PCNT: variants seen among roughly 807,000 people sequenced by gnomAD.
The protein encoded by PCNT is kendrin.
Under a neutral mutation model 380.4 loss-of-function variants are expected in PCNT, and 319 were observed. The ratio of observed to expected loss-of-function variants is 0.84; its 90% CI spans 0.77 to 0.92. The LOEUF is 0.92. Among genes scored for constraint, PCNT ranks in the 40% least tolerant of loss-of-function variants. The pLI, the probability that PCNT is intolerant of heterozygous loss-of-function variation, is 0.00. For synonymous variants in PCNT, 1,845 were observed against 1,735.2 expected, an observed-to-expected ratio of 1.06 and a Z score of -1.57; for missense variants, 4,400 against 4,255.3, an observed-to-expected ratio of 1.03 and a Z score of -0.95.
rs190912100 is a variant in PCNT at position 46,362,747 on chromosome 21, C to G, written c.2155-733C>G. Among the ~76,000 whole-genome samples the G allele has an allele frequency of 1.1e-3, 174 of 152,056 alleles. 2 individuals carry two copies. The highest frequency in any genetic ancestry group is 4.0e-3 in the African/African-American group (164 of 41,464). Reference sequence around the variant, plus strand: ...TTGCTTGAGCTCAGGAGTTCAAGATCAGCCTGGGCAACATGCAGAACCCTG... The same window carrying G: ...TTGCTTGAGCTCAGGAGTTCAAGATGAGCCTGGGCAACATGCAGAACCCTG... On this transcript the variant is annotated intron_variant, in intron 13 of 46. Transcript: ENST00000359568.
chr21:46,439,729 GTTGGCA>G (rs2053558038), intron 41 of PCNT, among the ~76,000 whole-genome samples: 2 of 152,308 alleles, frequency 1.3e-5, no homozygotes, highest in South Asian at 4.1e-4. Flanking sequence ...GTTACCAGTG[GTTGGCA>G]TTTCTAGGAC....
rs1263717316 is a variant in PCNT at position 46,415,948 on chromosome 21, G to T, written c.6151-121G>T. 8 of 847,718 alleles carry T rather than the reference G, an allele frequency of 9.4e-6. No individual in the cohort carries two copies. The African/African-American group carries it at 1.1e-4, about 12-fold the overall frequency. The allele number at this position is 847,718 out of a possible 1,614,324, so 52.5% of individuals were successfully genotyped here. On this transcript the variant is annotated intron_variant, in intron 29 of 46. Coordinates refer to ENST00000359568, the MANE Select transcript of PCNT (RefSeq NM_006031.6). ...ATTAAATAAACTTGAAATGTGCAGG[G>T]CTCATTGTGGAATCACCCGAGTGCT... is the stretch of plus-strand genomic sequence containing the variant.
chr21:46,324,192 C>G lies in PCNT; in HGVS notation c.-37C>G, dbSNP rs766797294. 6.3e-7 allele frequency: 1 copy of G among 1,586,630 alleles called. No individual in the cohort carries two copies. Among genetic ancestry groups the G allele is most frequent in the Admixed American group, 1.7e-5 (1 of 57,764 alleles). ...AGCGAAGGCTGCTCTGTGTCAGCCC[C>G]GTCACCGCCGGGCGGCCCGCGCGGA... On this transcript the variant is annotated 5_prime_UTR_variant, in exon 1 of 47. Coordinates refer to ENST00000359568, the MANE Select transcript of PCNT (RefSeq NM_006031.6).
At chr21:46,382,768 G>T (rs112486078) in intron 16 of PCNT, among the ~76,000 whole-genome samples, 1 of 132,830 alleles carries the variant, frequency 7.5e-6, no homozygotes, top group African/African-American at 3.1e-5. Flanking sequence ...CGCATTCACC[G>T]TGTTGTATAT....
intron 10 of PCNT, among the ~76,000 whole-genome samples, chr21:46,353,551 G>A (rs1251992992): frequency 3.3e-5 from 5 of 152,032 alleles, no homozygotes; most frequent in Non-Finnish European, 4.4e-5. Flanking sequence ...CCAGGCCTGC[G>A]TGCACATGTT....
rs1441346390 is a variant in PCNT at position 46,397,246 on chromosome 21, G to T, written c.4217-19G>T. ...GAGGTGCGGGGGTGTCCCCGTGTCT[G>T]TCCTGTTTGCATCCTTAGCTCTCCG... On this transcript the variant is annotated intron_variant, in intron 21 of 46. Transcript: ENST00000359568. 6.2e-7 allele frequency: 1 copy of T among 1,602,074 alleles called. No individual in the cohort carries two copies. The highest frequency in any genetic ancestry group is 2.2e-5 in the East Asian group (1 of 44,836).
At chr21:46,434,794 T>C (rs974243638) in intron 38 of PCNT, among the ~76,000 whole-genome samples, 4 of 152,314 alleles carry the variant, frequency 2.6e-5, no homozygotes, top group Non-Finnish European at 4.4e-5. Context: ...GTGTGCATGT[T>C]CACATGCACA....
intron 3 of PCNT, among the ~76,000 whole-genome samples, chr21:46,339,303 C>T (rs1211631461): frequency 6.6e-6 from 1 of 152,232 alleles, no homozygotes; most frequent in South Asian, 2.1e-4. Context: ...TCGCTCTGCC[C>T]CTCTCTAGCT....
At chr21:46,333,479 C>T (rs1362680401) in intron 2 of PCNT, among the ~76,000 whole-genome samples, 4 of 151,720 alleles carry the variant, frequency 2.6e-5, no homozygotes, top group Admixed American at 1.3e-4. Context: ...TGGTGGCATG[C>T]GCCTGTAGTC....
At chr21:46,403,518 G>A (rs1028323731) in intron 27 of PCNT, among the ~76,000 whole-genome samples, 4 of 118,996 alleles carry the variant, frequency 3.4e-5, no homozygotes, top group African/African-American at 6.2e-5. Context: ...GTGCCCACGC[G>A]GCGTGTGCTC....
chr21:46,397,989 C>G, intron 22 of PCNT, 25 bp from the exon 23 acceptor site: 4 of 1,551,300 alleles, frequency 2.6e-6, no homozygotes, highest in Non-Finnish European at 3.5e-6. Flanking sequence ...TTGGGGTGGT[C>G]CCAACACGCT....
In PCNT at chr21:46,416,148, T is replaced by G; in HGVS notation, c.6230T>G (p.Leu2077Arg). ...CAGGTGAAACAGCTTCAGGAAAAAC[T>G]GAACCGTTTGCTGTATTCCATGACC... Reference protein sequence around the residue: ...VAQVKQLQEKLNRLLYSMTFQ... With the variant: ...VAQVKQLQEKRNRLLYSMTFQ... The change falls in exon 30 of 47, where the codon CTG becomes CGG. Residue 2077 changes from leucine (L) to arginine (R), a missense_variant. Physicochemically the swap from Leu to Arg is moderately radical, Grantham distance 102. Coordinates refer to ENST00000359568, the MANE Select transcript of PCNT (RefSeq NM_006031.6). 6.2e-7 allele frequency: 1 copy of G among 1,614,206 alleles called. No homozygotes were observed.
At chr21:46,356,327 C>G (rs1232507745) in intron 12 of PCNT, among the ~76,000 whole-genome samples, 1 of 152,228 alleles carries the variant, frequency 6.6e-6, no homozygotes, top group African/African-American at 2.4e-5. Context: ...GGGCCTCCTT[C>G]AAGCTGGGGG....
At chr21:46,422,184 A>G in intron 32 of PCNT, 60 bp downstream of exon 32, 1 of 1,598,278 alleles carries the variant, frequency 6.3e-7, no homozygotes, top group African/African-American at 1.3e-5. Flanking sequence ...GCATCCCCCA[A>G]GCCCTGTGTC....
intron 33 of PCNT, 94 bp downstream of exon 33, chr21:46,426,065 C>CTT: frequency 4.4e-5 from 16 of 364,960 alleles, no homozygotes; most frequent in South Asian, 1.8e-4. Context: ...ACTAGGATTT[C>CTT]TTTCTTTTTT....
At chr21:46,329,287 T>G (rs967198788) in intron 2 of PCNT, among the ~76,000 whole-genome samples, 2 of 152,224 alleles carry the variant, frequency 1.3e-5, no homozygotes, top group Admixed American at 6.5e-5. Flanking sequence ...CTAACTCTGC[T>G]ATTTGATGCA....
rs1218653837 is a variant in PCNT, at chr21:46,425,248, G to A, written c.7180-583G>A. Among the ~76,000 whole-genome samples, 1 of 152,212 alleles carries A rather than the reference G, an allele frequency of 6.6e-6. No homozygotes were observed. Among genetic ancestry groups the A allele is most frequent in the Non-Finnish European group, 1.5e-5 (1 of 68,032 alleles). On this transcript the variant is annotated intron_variant, in intron 32 of 46. Transcript: ENST00000359568. This position sits in a 1 kb window ranked among gnomAD's most constrained non-coding sequence, Gnocchi z 4.2. ...CCGGACACCAGCTGCTGCGTAATCG[G>A]TGGGATAAAGCAGCCGCCTCGTGTT...
rs970854677 is a variant in PCNT, at chr21:46,425,696, C to T, written c.7180-135C>T. 1.2e-5 allele frequency: 15 copies of T among 1,272,170 alleles called. No individual in the cohort carries two copies. The highest frequency in any genetic ancestry group is 2.6e-4 in the Middle Eastern group (1 of 3,882). The allele number at this position is 1,272,170 out of a possible 1,614,324, so 78.8% of individuals were successfully genotyped here. A position where few individuals can be genotyped will look rare whatever the true frequency, so the allele number is the denominator to read the frequency against. ...GAAGTGGGTGCCGCCTGTACGAAGC[C>T]GAGGCGGTGCCCTCCCTCTCCACAG... On this transcript the variant is annotated intron_variant, in intron 32 of 46. Coordinates refer to ENST00000359568, the MANE Select transcript of PCNT (RefSeq NM_006031.6). The surrounding 1 kb of genome is among the most constrained non-coding windows in gnomAD (Gnocchi z 4.2).
At chr21:46,375,268 T>C (rs2085299111) in intron 15 of PCNT, among the ~76,000 whole-genome samples, 2 of 152,180 alleles carry the variant, frequency 1.3e-5, no homozygotes, top group Admixed American at 6.5e-5. Flanking sequence ...TTTTCTCGGA[T>C]TGAAAACCCA....
Sources: gnomAD v4.1 joint callset for allele counts (sites outside exome capture counted in the v4.1 genomes callset) on GRCh38, gnomAD v4.1.1 for gene constraint, Gnocchi (gnomAD v3.1) non-coding constraint, MANE v1.5 for transcripts, NCBI Gene and HGNC (gene_info 2026-07-23, HGNC 2026-07-21) for gene names.